EPB41L3: variants seen among roughly 807,000 people sequenced by gnomAD.
EPB41L3 encodes band 4.1-like protein 3.
Under a neutral mutation model 127.1 loss-of-function variants are expected in EPB41L3, and 57 were observed. The ratio of observed to expected loss-of-function variants is 0.45; its 90% CI spans 0.36 to 0.56. EPB41L3 has a LOEUF of 0.56. EPB41L3 is among the 20% of genes least tolerant of loss of function. The pLI is 0.00. For synonymous variants in EPB41L3, 572 were observed against 549.5 expected (o/e 1.04, Z -0.57); for missense variants, 1,273 against 1,372.2 (o/e 0.93, Z 1.14).
intron 3 of EPB41L3, among the ~76,000 whole-genome samples, chr18:5,591,424 G>A (rs544624400): frequency 6.6e-6 from 1 of 152,306 alleles, no homozygotes; most frequent in Non-Finnish European, 1.5e-5. Context: ...TACAGTGCAA[G>A]GGGTGAGGGG....
chr18:5,435,769 G>A lies in EPB41L3; in HGVS notation c.606-1648C>T, dbSNP rs149526928. Among the ~76,000 whole-genome samples the A allele has an allele frequency of 6.6e-5, 10 of 152,228 alleles. No individual in the cohort carries two copies. In the East Asian group the frequency reaches 1.2e-3, roughly 18 times the overall value. Reference sequence around the variant, plus strand: ...ATTAAGGTGACAGGTCTTACTATACGAGCAAAACAGATTTCAGGTAACTCA... The same window carrying A: ...ATTAAGGTGACAGGTCTTACTATACAAGCAAAACAGATTTCAGGTAACTCA... On this transcript the variant is annotated intron_variant, in intron 6 of 22. Transcript: ENST00000341928.
intron 3 of EPB41L3, among the ~76,000 whole-genome samples, chr18:5,604,126 A>G (rs2094621807): frequency 6.6e-6 from 1 of 152,092 alleles, no homozygotes; most frequent in Non-Finnish European, 1.5e-5. Flanking sequence ...GATGTAATGC[A>G]TCTTTTCTAG....
At chr18:5,618,845 G>A (rs1228011559) in intron 1 of EPB41L3, among the ~76,000 whole-genome samples, 1 of 152,164 alleles carries the variant, frequency 6.6e-6, no homozygotes, top group African/African-American at 2.4e-5. Flanking sequence ...CTAGTAGAAT[G>A]CATGTGCTCA....
intron 3 of EPB41L3, among the ~76,000 whole-genome samples, chr18:5,461,033 T>A (rs916649962): frequency 2.0e-5 from 3 of 152,224 alleles, no homozygotes; most frequent in Non-Finnish European, 4.4e-5. Context: ...TTTTATTTTT[T>A]TCCCCCCTAT....
intron 18 of EPB41L3, 152 bp downstream of exon 18, chr18:5,396,906 T>G: frequency 1.3e-6 from 1 of 784,028 alleles, no homozygotes; most frequent in South Asian, 1.9e-5. Context: ...AGACTCCTAC[T>G]AGGTATGAAA....
At chr18:5,434,251 G>A (rs960711613) in intron 6 of EPB41L3, 130 bp from the exon 7 acceptor site, 110 of 666,628 alleles carry the variant, frequency 1.7e-4, no homozygotes, top group Non-Finnish European at 2.3e-4. Flanking sequence ...ATTTTCTAGC[G>A]TCTATATATT....
At chr18:5,424,386 G>T in intron 9 of EPB41L3, 27 bp from the exon 10 acceptor site, 1 of 1,523,694 alleles carries the variant, frequency 6.6e-7, no homozygotes, top group Non-Finnish European at 8.9e-7. Context: ...ACATTGAAGA[G>T]TAAAGTTTAA....
intron 3 of EPB41L3, among the ~76,000 whole-genome samples, chr18:5,476,637 G>T (rs1208646429): frequency 6.6e-6 from 1 of 152,138 alleles, no homozygotes; most frequent in Admixed American, 6.5e-5. Flanking sequence ...GCAAAAAATA[G>T]AAAGACTCTC....
At chr18:5,564,118 G>A (rs918266020) in intron 3 of EPB41L3, among the ~76,000 whole-genome samples, 12 of 152,084 alleles carry the variant, frequency 7.9e-5, no homozygotes, top group South Asian at 4.2e-4. Flanking sequence ...AGTCACAAGC[G>A]GCCTCACCAG....
chr18:5,538,259 C>T lies in EPB41L3; in HGVS notation c.-12+5654G>A, dbSNP rs138539077. On this transcript the variant is annotated intron_variant, in intron 1 of 22. Transcript: ENST00000341928. ...AGTTACTGCTGTCTATGCTTTTCCA[C>T]ACAATATCAACTTGGGTCACCACGA... Among the ~76,000 whole-genome samples the T allele has an allele frequency of 2.5e-3, 388 of 152,272 alleles. 5 individuals are homozygous for T. Among genetic ancestry groups the T allele is most frequent in the African/African-American group, 8.0e-3 (332 of 41,520 alleles).
upstream of EPB41L3, among the ~76,000 whole-genome samples, chr18:5,545,985 C>T (rs1222367048): frequency 6.6e-6 from 1 of 151,260 alleles, no homozygotes; most frequent in Non-Finnish European, 1.5e-5. Flanking sequence ...TAAAGCACTC[C>T]ATTGAAAGTG....
intron 1 of EPB41L3, among the ~76,000 whole-genome samples, chr18:5,614,772 T>C (rs1359441022): frequency 6.6e-6 from 1 of 152,218 alleles, no homozygotes; most frequent in South Asian, 2.1e-4. Flanking sequence ...GAGTTGTAAC[T>C]TTAGTGTCAG....
chr18:5,616,415 C>T (rs2094795933), intron 1 of EPB41L3, among the ~76,000 whole-genome samples: 1 of 152,056 alleles, frequency 6.6e-6, no homozygotes, highest in African/African-American at 2.4e-5. Flanking sequence ...AAAAAATGCA[C>T]CTAAAGTGTT....
chr18:5,483,466 A>G (rs993039476), intron 2 of EPB41L3, among the ~76,000 whole-genome samples: 5 of 152,160 alleles, frequency 3.3e-5, no homozygotes, highest in African/African-American at 1.2e-4. Context: ...GCAGCAAAAC[A>G]GCAGTAATAA....
At chr18:5,624,829 A>G (rs1264556504) in intron 1 of EPB41L3, among the ~76,000 whole-genome samples, 1 of 152,322 alleles carries the variant, frequency 6.6e-6, no homozygotes. Flanking sequence ...GAGAAGTGCC[A>G]CGAGAGCAGA....
intron 1 of EPB41L3, among the ~76,000 whole-genome samples, chr18:5,622,825 T>G (rs2094878623): frequency 1.3e-5 from 2 of 152,190 alleles, no homozygotes. Flanking sequence ...GTTTTTTACT[T>G]AAAGGTGAAT....
intron 3 of EPB41L3, among the ~76,000 whole-genome samples, chr18:5,450,985 A>AT (rs553327711): frequency 3.1e-4 from 47 of 149,750 alleles, no homozygotes; most frequent in Middle Eastern, 3.2e-3. Context: ...TGACTGCCTG[A>AT]TTTTTTTTTT....
intron 1 of EPB41L3, among the ~76,000 whole-genome samples, chr18:5,628,005 G>C (rs182155561): frequency 6.6e-6 from 1 of 152,276 alleles, no homozygotes; most frequent in Admixed American, 6.5e-5. Context: ...AAGTGAAGAC[G>C]GAGACTCCCA....
chr18:5,606,976 A>G (rs2143933446), intron 3 of EPB41L3, among the ~76,000 whole-genome samples: 1 of 151,964 alleles, frequency 6.6e-6, no homozygotes, highest in Admixed American at 6.6e-5. Context: ...GAAATAATAC[A>G]GGAAAAAAAG....
Sources: gnomAD v4.1 joint callset for allele counts (sites outside exome capture counted in the v4.1 genomes callset) on GRCh38, gnomAD v4.1.1 for gene constraint, MANE v1.5 for transcripts, NCBI Gene and HGNC (gene_info 2026-07-23, HGNC 2026-07-21) for gene names.